Variants in RABGAP1L observed in about 807,000 individuals in gnomAD.
RABGAP1L encodes rab GTPase-activating protein 1-like.
Under a neutral mutation model 137.7 loss-of-function variants are expected in RABGAP1L, and 63 were observed. The observed-to-expected ratio is 0.46, with a 90% confidence interval of 0.37 to 0.56. The LOEUF (loss-of-function observed/expected upper bound fraction) is 0.56. Among genes scored for constraint, RABGAP1L ranks in the 20% least tolerant of loss-of-function variants. The pLI is 0.00. For missense variants in RABGAP1L, 1,095 were observed against 1,244.0 expected, an observed-to-expected ratio of 0.88 and a Z score of 1.80; for synonymous variants, 431 against 433.7, an observed-to-expected ratio of 0.99 and a Z score of 0.08.
In RABGAP1L at chr1:174,195,836, CTTCTTT is replaced by C. The variant is rs1667643131; in HGVS notation, c.-33-23286_-33-23281del. Among the ~76,000 whole-genome samples, 16 of 75,638 alleles carry C rather than the reference CTTCTTT, an allele frequency of 2.1e-4. No individual in the cohort carries two copies. In the Admixed American group the frequency reaches 2.3e-3, roughly 11 times the overall value. 49.6% of individuals were successfully genotyped at this position (75,638 alleles called of 152,430 possible). A position where few individuals can be genotyped will look rare whatever the true frequency, so the allele number is the denominator to read the frequency against. ...ATCCTTCTTTCTTTCTATCCTTCTT[CTTCTTT>C]TTTTTTTTTTTGAGACAGAGTCTTG... On this transcript the variant is annotated intron_variant, in intron 1 of 25. Coordinates refer to ENST00000681986, the MANE Select transcript of RABGAP1L (RefSeq NM_001366446.1).
chr1:174,587,836 A>G (rs947485365), intron 13 of RABGAP1L, among the ~76,000 whole-genome samples: 1 of 152,144 alleles, frequency 6.6e-6, no homozygotes, highest in Non-Finnish European at 1.5e-5. Flanking sequence ...TGTTATAAAC[A>G]TTCCAATTAT....
chr1:174,837,720 C>A (rs1453850026), intron 19 of RABGAP1L, among the ~76,000 whole-genome samples: 1 of 152,074 alleles, frequency 6.6e-6, no homozygotes, highest in Non-Finnish European at 1.5e-5. Context: ...GGAGTTTATT[C>A]TTTTAATCTA....
At chr1:174,807,217 C>A (rs1467647504) in intron 18 of RABGAP1L, among the ~76,000 whole-genome samples, 1 of 152,060 alleles carries the variant, frequency 6.6e-6, no homozygotes, top group Non-Finnish European at 1.5e-5. Context: ...TTATGTTTAT[C>A]TCTGTAGTCA....
intron 21 of RABGAP1L, among the ~76,000 whole-genome samples, chr1:174,974,322 T>C (rs1670461823): frequency 1.3e-5 from 2 of 152,118 alleles, no homozygotes; most frequent in Non-Finnish European, 2.9e-5. Context: ...ACTCTGTGCC[T>C]ATCTGTCAGA....
rs555262579 is a variant in RABGAP1L at position 174,370,670 on chromosome 1, A to G, written c.1466-309A>G. ...GAGAATATCTGGTGAGTAGAACACC[A>G]TATGGGAATTTCCAGTTGTGCTACC... On this transcript the variant is annotated intron_variant, in intron 11 of 25. Transcript: ENST00000681986. Among the ~76,000 whole-genome samples, 64 of 151,824 alleles carry G rather than the reference A, an allele frequency of 4.2e-4. 1 individual carries two copies. The East Asian group carries it at 0.011, about 27-fold the overall frequency.
At chr1:174,195,616 TCTTCCTTC>T (rs1206660580) in intron 1 of RABGAP1L, among the ~76,000 whole-genome samples, 33 of 57,666 alleles carry the variant, frequency 5.7e-4, no homozygotes, top group Admixed American at 1.2e-3. Flanking sequence ...TTTCTTTCTT[TCTTCCTTC>T]CTTCCTTCCT....
chr1:174,812,092 C>G, intron 19 of RABGAP1L, 132 bp downstream of exon 19: 3 of 835,544 alleles, frequency 3.6e-6, no homozygotes, highest in Non-Finnish European at 5.0e-6. Context: ...GAACTGATTT[C>G]TCCCAGATGT....
At chr1:174,934,374 A>G (rs1222829650) in intron 19 of RABGAP1L, among the ~76,000 whole-genome samples, 1 of 152,146 alleles carries the variant, frequency 6.6e-6, no homozygotes, top group Non-Finnish European at 1.5e-5. Flanking sequence ...GGCATGAGCC[A>G]CCACGCCCGG....
intron 11 of RABGAP1L, among the ~76,000 whole-genome samples, chr1:174,344,443 G>C (rs545736965): frequency 3.7e-4 from 57 of 152,272 alleles, no homozygotes; most frequent in Middle Eastern, 3.4e-3. Context: ...GTCTAGGAGT[G>C]CTTGTATAGC....
chr1:174,958,719 G>A (rs527772255), intron 20 of RABGAP1L, among the ~76,000 whole-genome samples: 4 of 152,214 alleles, frequency 2.6e-5, no homozygotes, highest in East Asian at 1.9e-4. Context: ...GTGGGAGTAT[G>A]TAGGTTTTGT....
intron 18 of RABGAP1L, chr1:174,799,775 T>TAGAAGC: frequency 1.2e-6 from 1 of 862,294 alleles, no homozygotes; most frequent in African/African-American, 1.9e-5. Context: ...GCAGCAGCAG[T>TAGAAGC]AGCAGCAGCA....
chr1:174,550,998 A>ATG lies in RABGAP1L; in HGVS notation c.1711-86377_1711-86376insTG, dbSNP rs1309734269. 4.5e-5 allele frequency among the ~76,000 whole-genome samples: 3 copies of ATG among 67,394 alleles called. No homozygotes were observed. In the African/African-American group the frequency reaches 5.1e-4, roughly 12 times the overall value. The allele number at this position is 67,394 out of a possible 152,430, so 44.2% of individuals were successfully genotyped here. On this transcript the variant is annotated intron_variant, in intron 13 of 25. Coordinates refer to ENST00000681986, the MANE Select transcript of RABGAP1L (RefSeq NM_001366446.1). ...TGTATATATACATATATATATATAC[A>ATG]CATATATATATATATATATATATAC...
chr1:174,656,930 G>A (rs1676014397), intron 14 of RABGAP1L, among the ~76,000 whole-genome samples: 1 of 152,114 alleles, frequency 6.6e-6, no homozygotes, highest in Non-Finnish European at 1.5e-5. Context: ...CCTCCTGCTT[G>A]TATAGAACTT....
At chr1:174,198,682 G>C (rs957976714) in intron 1 of RABGAP1L, among the ~76,000 whole-genome samples, 1 of 152,178 alleles carries the variant, frequency 6.6e-6, no homozygotes, top group African/African-American at 2.4e-5. Flanking sequence ...ACTGTATTGG[G>C]GAATTGAGGT....
At chr1:174,504,470 T>C (rs1661633569) in intron 13 of RABGAP1L, among the ~76,000 whole-genome samples, 1 of 148,918 alleles carries the variant, frequency 6.7e-6, no homozygotes, top group South Asian at 2.1e-4. Context: ...ACAACCTGAC[T>C]TCAAAATACA....
rs1020293935 is a variant in RABGAP1L at position 174,295,111 on chromosome 1, G to C, written c.1324-9875G>C. Among the ~76,000 whole-genome samples, 37 of 151,590 alleles carry C rather than the reference G, an allele frequency of 2.4e-4. 1 individual carries two copies. The highest frequency in any genetic ancestry group is 5.4e-4 in the Non-Finnish European group (37 of 67,920). On this transcript the variant is annotated intron_variant, in intron 10 of 25. Transcript: ENST00000681986. ...TTTTTGTATTTTTAGTAGAGATGGGGTTTCACCGTGTTAGCCAAGATGGGC... is the reference window on the plus strand; with the variant it reads ...TTTTTGTATTTTTAGTAGAGATGGGCTTTCACCGTGTTAGCCAAGATGGGC...
At chr1:174,625,367 A>G (rs1672869333) in intron 13 of RABGAP1L, among the ~76,000 whole-genome samples, 1 of 152,180 alleles carries the variant, frequency 6.6e-6, no homozygotes, top group South Asian at 2.1e-4. Context: ...TACATGAATG[A>G]GTTTGTACTA....
chr1:174,937,632 A>ATATATATATATATATC (rs1190513202), intron 19 of RABGAP1L, among the ~76,000 whole-genome samples: 1 of 128,644 alleles, frequency 7.8e-6, no homozygotes, highest in Non-Finnish European at 1.6e-5. Context: ...ATATATATAT[A>ATATATATATATATATC]TATCTTGCAG....
chr1:174,351,523 G>T (rs1683188383), intron 11 of RABGAP1L, among the ~76,000 whole-genome samples: 1 of 151,970 alleles, frequency 6.6e-6, no homozygotes, highest in African/African-American at 2.4e-5. Flanking sequence ...TTTCCACTGA[G>T]AAGTCTGCTT....
Sources: allele counts gnomAD v4.1 joint callset (sites outside exome capture counted in the v4.1 genomes callset), GRCh38; gene constraint gnomAD v4.1.1; transcripts MANE v1.5; gene names NCBI Gene and HGNC (gene_info 2026-07-23, HGNC 2026-07-21).